The following TRAPPC9 variants were observed in gnomAD, a reference collection of about 807,000 sequenced individuals.
TRAPPC9 encodes the protein IKK2 binding protein.
In TRAPPC9, 83 loss-of-function variants were observed where a neutral mutation model predicts 124.0. The observed-to-expected ratio is 0.67, with a 90% CI of 0.56 to 0.80. The LOEUF is 0.80. TRAPPC9 is among the 30% of genes least tolerant of loss of function. TRAPPC9 has a pLI of 0.00. For synonymous variants in TRAPPC9, 638 were observed against 617.5 expected (o/e 1.03, Z -0.49); for missense variants, 1,302 against 1,508.3 (o/e 0.86, Z 2.27).
chr8:140,128,988 C>CACATATATATAT (rs753782700), intron 17 of TRAPPC9, among the ~76,000 whole-genome samples: 2 of 134,838 alleles, frequency 1.5e-5, no homozygotes, highest in Admixed American at 7.5e-5. Context: ...TATATATATA[C>CACATATATATAT]ATATATATAT....
At chr8:139,832,100 G>A (rs1294936599) in intron 21 of TRAPPC9, among the ~76,000 whole-genome samples, 1 of 152,210 alleles carries the variant, frequency 6.6e-6, no homozygotes, top group Non-Finnish European at 1.5e-5. Flanking sequence ...AGCTCTGAGA[G>A]GGTGAGGGCA....
chr8:140,326,076 G>A (rs1476736867), intron 9 of TRAPPC9, among the ~76,000 whole-genome samples: 1 of 152,064 alleles, frequency 6.6e-6, no homozygotes, highest in Non-Finnish European at 1.5e-5. Flanking sequence ...ATGGAAATCC[G>A]GGTAGTTTCT....
At chr8:140,444,396 T>C (rs1048466423) in intron 2 of TRAPPC9, among the ~76,000 whole-genome samples, 1 of 152,018 alleles carries the variant, frequency 6.6e-6, no homozygotes, top group African/African-American at 2.4e-5. Context: ...TCTGGGTCCA[T>C]GGGAAAGACA....
chr8:139,758,721 G>A (rs60303786), intron 21 of TRAPPC9, among the ~76,000 whole-genome samples: 7,132 of 152,346 alleles, frequency 0.047, 582 homozygotes, highest in African/African-American at 0.16. Flanking sequence ...GGGGCAGGCT[G>A]AGGAAGCTTT....
intron 17 of TRAPPC9, among the ~76,000 whole-genome samples, chr8:140,136,581 T>C (rs981591067): frequency 2.6e-5 from 4 of 152,282 alleles, no homozygotes; most frequent in African/African-American, 9.6e-5. Context: ...CTCACACCTG[T>C]AATCCCAGCA....
intron 21 of TRAPPC9, among the ~76,000 whole-genome samples, chr8:139,791,650 G>A (rs1045396506): frequency 6.6e-6 from 1 of 152,152 alleles, no homozygotes; most frequent in African/African-American, 2.4e-5. Context: ...CAGGCGCTGG[G>A]CTCTGGTGCC....
chr8:139,980,054 C>CG (rs1479427845), intron 19 of TRAPPC9, among the ~76,000 whole-genome samples: 3 of 151,890 alleles, frequency 2.0e-5, no homozygotes, highest in African/African-American at 7.3e-5. Flanking sequence ...CAGGTACCCC[C>CG]CAGTGACATC....
At chr8:139,982,763 C>T (rs897243934) in intron 19 of TRAPPC9, among the ~76,000 whole-genome samples, 1 of 152,190 alleles carries the variant, frequency 6.6e-6, no homozygotes, top group African/African-American at 2.4e-5. Context: ...TTCAGTATTC[C>T]ATTGTAAAGT....
intron 17 of TRAPPC9, among the ~76,000 whole-genome samples, chr8:140,070,068 A>C (rs567489311): frequency 1.3e-5 from 2 of 152,266 alleles, no homozygotes; most frequent in South Asian, 4.1e-4. Flanking sequence ...CCCCCAACTC[A>C]CACGCCAGTC....
intron 22 of TRAPPC9, among the ~76,000 whole-genome samples, chr8:139,731,538 T>G (rs564714231): frequency 6.6e-6 from 1 of 152,052 alleles, no homozygotes; most frequent in Non-Finnish European, 1.5e-5. Context: ...TGTTAGCCTG[T>G]GCTGGGGCCT....
At chr8:139,909,891 G>A (rs1717039449) in intron 20 of TRAPPC9, among the ~76,000 whole-genome samples, 1 of 152,232 alleles carries the variant, frequency 6.6e-6, no homozygotes, top group African/African-American at 2.4e-5. Flanking sequence ...CAAGAAGCAT[G>A]TGATCCAAAG....
intron 19 of TRAPPC9, among the ~76,000 whole-genome samples, chr8:139,926,283 G>T (rs1437573816): frequency 6.6e-6 from 1 of 152,122 alleles, no homozygotes; most frequent in African/African-American, 2.4e-5. Context: ...CTGAGGACCT[G>T]ACAAGACAAA....
rs2070913917 is a variant in TRAPPC9 at position 140,438,934 on chromosome 8, C to T, written c.730+118G>A. On this transcript the variant is annotated intron_variant, in intron 3 of 22. Transcript: ENST00000438773. ...CTCAATCTCTTGACCTCATATTTGG[C>T]CTGCCGTAGCCTCCCAAAGTGCTGG... 6 of 1,289,340 alleles carry T rather than the reference C, an allele frequency of 4.7e-6. No individual in the cohort carries two copies. The South Asian group carries it at 7.2e-5, about 15-fold the overall frequency. The allele number at this position is 1,289,340 out of a possible 1,614,324, so 79.9% of individuals were successfully genotyped here. A position where few individuals can be genotyped will look rare whatever the true frequency, so the allele number is the denominator to read the frequency against.
At chr8:140,014,671 G>C (rs1839351292) in intron 18 of TRAPPC9, among the ~76,000 whole-genome samples, 2 of 152,138 alleles carry the variant, frequency 1.3e-5, no homozygotes, top group Admixed American at 1.3e-4. Context: ...ATAGACACCA[G>C]AGTCCAGGAC....
At chr8:139,746,130 G>A (rs1393574786) in intron 21 of TRAPPC9, among the ~76,000 whole-genome samples, 3 of 152,188 alleles carry the variant, frequency 2.0e-5, no homozygotes, top group Non-Finnish European at 1.5e-5. Context: ...TCCTGCAATC[G>A]CCGCCGGTGG....
rs566817338 is a variant in TRAPPC9 at position 140,451,992 on chromosome 8, G to A, written c.-10-609C>T. On this transcript the variant is annotated intron_variant, in intron 1 of 22. Transcript: ENST00000438773. ...AAAAATTAGCCGGGTGTGGTGGCAC[G>A]TGCCTGTAATCCCAGTTACCCAGGA... is the stretch of plus-strand genomic sequence containing the variant. 3.9e-5 allele frequency among the ~76,000 whole-genome samples: 6 copies of A among 152,046 alleles called. No homozygotes were observed. The South Asian group carries it at 6.3e-4, about 16-fold the overall frequency.
chr8:139,960,513 C>G (rs1437977440), intron 19 of TRAPPC9, among the ~76,000 whole-genome samples: 1 of 152,190 alleles, frequency 6.6e-6, no homozygotes, highest in African/African-American at 2.4e-5. Context: ...TCAGCCTGAC[C>G]CTTTGTCAGG....
chr8:140,230,145 C>T (rs1418357895), intron 16 of TRAPPC9, among the ~76,000 whole-genome samples: 2 of 152,224 alleles, frequency 1.3e-5, no homozygotes, highest in African/African-American at 2.4e-5. Flanking sequence ...CAAGAGCCAA[C>T]GTCCAACCAA....
chr8:139,741,395 G>A (rs1419471788), intron 21 of TRAPPC9, among the ~76,000 whole-genome samples: 4 of 152,186 alleles, frequency 2.6e-5, no homozygotes, highest in Admixed American at 6.5e-5. Flanking sequence ...TTGAGGTGGC[G>A]AGTGGCTCAG....
Sources: allele counts gnomAD v4.1 joint callset (sites outside exome capture counted in the v4.1 genomes callset), GRCh38; gene constraint gnomAD v4.1.1; transcripts MANE v1.5; gene names NCBI Gene and HGNC (gene_info 2026-07-23, HGNC 2026-07-21).